Variants in CTPS1 observed in about 807,000 individuals in gnomAD.
CTPS1 encodes CTP synthetase 1.
Under a neutral mutation model 80.5 loss-of-function variants are expected in CTPS1, and 25 were observed. That is an observed-to-expected ratio of 0.31 (90% CI 0.23 to 0.43). CTPS1 has a LOEUF of 0.43. Ranked by LOEUF, CTPS1 falls within the 20% of genes least tolerant of loss-of-function variation. The pLI is 1.00. For synonymous variants in CTPS1, 267 were observed against 252.5 expected (o/e 1.06, Z -0.54); for missense variants, 442 against 725.7 (o/e 0.61, Z 4.49).
chr1:40,987,351 T>C (rs753864692), intron 3 of CTPS1, 21 bp from the exon 4 acceptor site: 1 of 1,571,836 alleles, frequency 6.4e-7, no homozygotes, highest in Admixed American at 1.7e-5. Flanking sequence ...GTAAGTTCCC[T>C]GTTTGTTTTC....
chr1:40,997,409 G>A lies in CTPS1; in HGVS notation c.888G>A (p.Leu296=). The part of the protein sequence containing the change: ...KEMADRYDRL[L]ETCSIALVGK... ...TATTTGATAGATATGATCGCTTGCTGGAGACCTGCTCTATTGCCCTTGTGG... is the reference window on the plus strand; with the variant it reads ...TATTTGATAGATATGATCGCTTGCTAGAGACCTGCTCTATTGCCCTTGTGG... Residue 296 remains leucine (L), a synonymous_variant, in exon 9 of 19, where the codon CTG becomes CTA. Transcript: ENST00000650070. 1 of 1,613,632 alleles carries A rather than the reference G, an allele frequency of 6.2e-7. No individual in the cohort carries two copies. The highest frequency in any genetic ancestry group is 8.5e-7 in the Non-Finnish European group (1 of 1,179,858).
chr1:41,009,207 G>A (rs746854645), intron 16 of CTPS1, among the ~76,000 whole-genome samples: 5 of 152,208 alleles, frequency 3.3e-5, no homozygotes, highest in Admixed American at 3.3e-4. Context: ...GGGAGCCAGG[G>A]TCTTGGGCGG....
intron 18 of CTPS1, among the ~76,000 whole-genome samples, chr1:41,011,404 A>G (rs996026863): frequency 2.0e-5 from 3 of 152,222 alleles, no homozygotes; most frequent in Admixed American, 6.5e-5. Context: ...ATTGCCCGTT[A>G]GTGACACTGT....
chr1:40,996,943 A>G (rs1018854344), intron 8 of CTPS1, among the ~76,000 whole-genome samples: 2 of 152,068 alleles, frequency 1.3e-5, no homozygotes, highest in Non-Finnish European at 2.9e-5. Flanking sequence ...GTATGAAAAA[A>G]ATTTTTTGTA....
At chr1:41,002,371 A>G in intron 11 of CTPS1, 117 bp downstream of exon 11, 1 of 801,448 alleles carries the variant, frequency 1.2e-6, no homozygotes, top group East Asian at 2.6e-5. Flanking sequence ...CTTTGTGGAT[A>G]GGAGCTCAAG....
rs371297328 is a variant in CTPS1, at chr1:41,008,900, C to T, written c.1546+10C>T. ...ATTGTGGAGTTAGAAGGTGATTATTCGGGCAGTTTTATTTAATGGAAAACT... is the reference window on the plus strand; with the variant it reads ...ATTGTGGAGTTAGAAGGTGATTATTTGGGCAGTTTTATTTAATGGAAAACT... On this transcript the variant is annotated intron_variant, in intron 16 of 18. Coordinates refer to ENST00000650070, the MANE Select transcript of CTPS1 (RefSeq NM_001905.4). 5.4e-5 allele frequency: 87 copies of T among 1,604,416 alleles called. No individual in the cohort carries two copies. The highest frequency in any genetic ancestry group is 1.7e-4 in the Middle Eastern group (1 of 6,050).
intron 9 of CTPS1, among the ~76,000 whole-genome samples, chr1:40,998,087 G>T (rs1642800806): frequency 6.6e-6 from 1 of 152,198 alleles, no homozygotes; most frequent in African/African-American, 2.4e-5. Context: ...GGTGGCAGTA[G>T]AGTGTCATGG....
intron 4 of CTPS1, among the ~76,000 whole-genome samples, chr1:40,988,255 A>G (rs549627406): frequency 1.2e-3 from 186 of 151,834 alleles, no homozygotes; most frequent in African/African-American, 4.2e-3. Context: ...ATGGTTAACT[A>G]AGGAGATAAG....
At chr1:41,011,519 T>C (rs1643172539) in intron 18 of CTPS1, 139 bp from the exon 19 acceptor site, 1 of 152,216 alleles carries the variant, frequency 6.6e-6, no homozygotes, top group African/African-American at 2.4e-5. Context: ...ATTTAGCGTC[T>C]AATTATTCCC....
Position 41,003,110 on chromosome 1 carries a change from G to A in CTPS1, c.1190-4G>A. Reference sequence around the variant, plus strand: ...TTTGTTTGTTTTTTCCCCCCGACTGGAAGGCGTGTGCTTAGGGATGCAGTT... The same window carrying A: ...TTTGTTTGTTTTTTCCCCCCGACTGAAAGGCGTGTGCTTAGGGATGCAGTT... On this transcript the variant is annotated splice_region_variant and splice_polypyrimidine_tract_variant and intron_variant, in intron 11 of 18. Coordinates refer to ENST00000650070, the MANE Select transcript of CTPS1 (RefSeq NM_001905.4). 6.2e-7 allele frequency: 1 copy of A among 1,614,136 alleles called. No homozygotes were observed. Among genetic ancestry groups the A allele is most frequent in the Non-Finnish European group, 8.5e-7 (1 of 1,179,998 alleles).
intron 7 of CTPS1, among the ~76,000 whole-genome samples, chr1:40,993,094 A>G (rs1642657311): frequency 6.6e-6 from 1 of 152,156 alleles, no homozygotes; most frequent in African/African-American, 2.4e-5. Context: ...TTTTTCATCC[A>G]GGCTGGAGTG....
At chr1:41,005,962 G>T in intron 12 of CTPS1, 89 bp from the exon 13 acceptor site, 1 of 1,035,740 alleles carries the variant, frequency 9.7e-7, no homozygotes, top group Admixed American at 1.7e-5. Context: ...CTTAAACTGA[G>T]GAGGGAAGTT....
intron 14 of CTPS1, among the ~76,000 whole-genome samples, chr1:41,008,176 GAGTC>G (rs1643081710): frequency 6.6e-6 from 1 of 152,174 alleles, no homozygotes; most frequent in Non-Finnish European, 1.5e-5. Flanking sequence ...ACTGTGAAAT[GAGTC>G]AGTAGAGCAG....
chr1:40,988,792 G>A (rs772419677), intron 5 of CTPS1, 82 bp downstream of exon 5: 2 of 900,888 alleles, frequency 2.2e-6, no homozygotes, highest in Admixed American at 4.1e-5. Flanking sequence ...TTCACTCATT[G>A]TCTAGTAGTT....
In CTPS1 at chr1:40,997,502, C is replaced by T; in HGVS notation, c.981C>T (p.Ala327=). ...VIKALEHSAL[A]INHKLEIKYI... ...AGGCTCTGGAGCATTCTGCACTGGC[C>T]ATCAACCACAAATTGGAAATCAAGG... The change falls in exon 9 of 19, where the codon GCC becomes GCT. Residue 327 remains alanine (A), a synonymous_variant. Transcript: ENST00000650070. 2 of 1,613,962 alleles carry T rather than the reference C, an allele frequency of 1.2e-6. No individual in the cohort carries two copies. The highest frequency in any genetic ancestry group is 1.7e-6 in the Non-Finnish European group (2 of 1,179,938).
chr1:40,983,196 T>C (rs1642362900), intron 1 of CTPS1, 82 bp from the exon 2 acceptor site: 5 of 1,177,604 alleles, frequency 4.2e-6, no homozygotes, highest in East Asian at 2.5e-5. Context: ...TAGCTAATAA[T>C]TGGCAGAGCC....
At position 41,007,793 on chromosome 1, in the gene CTPS1, T is replaced by C. The variant is rs1643072325; in HGVS notation, c.1393+248T>C. ...CCTAGGCATGGGCGCCTCAACAGAA[T>C]GAGGCAGTGAGGTTACATTCATCCT... is the stretch of plus-strand genomic sequence containing the variant. On this transcript the variant is annotated intron_variant, in intron 14 of 18. Transcript: ENST00000650070. The surrounding 1 kb of genome is among the most constrained non-coding windows in gnomAD (Gnocchi z 4.4). 6.6e-6 allele frequency among the ~76,000 whole-genome samples: 1 copy of C among 152,202 alleles called. No individual in the cohort carries two copies. The highest frequency in any genetic ancestry group is 2.1e-4 in the South Asian group (1 of 4,828).
At chr1:40,986,124 G>C (rs998096345) in intron 3 of CTPS1, among the ~76,000 whole-genome samples, 5 of 152,256 alleles carry the variant, frequency 3.3e-5, no homozygotes, top group South Asian at 2.1e-4. Context: ...GGTTACCTGT[G>C]GGGGAGGCAA....
intron 1 of CTPS1, chr1:40,981,011 C>T (rs1254010154): frequency 6.6e-6 from 1 of 152,478 alleles, no homozygotes; most frequent in Non-Finnish European, 1.5e-5. Flanking sequence ...CCACTACCCC[C>T]AGGACTTGTC....
Sources: gnomAD v4.1 joint callset for allele counts (sites outside exome capture counted in the v4.1 genomes callset) on GRCh38, gnomAD v4.1.1 for gene constraint, Gnocchi (gnomAD v3.1) non-coding constraint, MANE v1.5 for transcripts, NCBI Gene and HGNC (gene_info 2026-07-23, HGNC 2026-07-21) for gene names.